NRK: variants seen among roughly 807,000 people sequenced by gnomAD.
NRK encodes nik-related protein kinase.
A neutral mutation model predicts 125.2 loss-of-function variants in NRK; 67 were observed. The ratio of observed to expected loss-of-function variants is 0.54; its 90% CI spans 0.44 to 0.66. NRK has a LOEUF of 0.66. Ranked by LOEUF, NRK falls within the 30% of genes least tolerant of loss-of-function variation. The pLI, the probability that NRK is intolerant of heterozygous loss-of-function variation, is 0.00. For synonymous variants in NRK, 458 were observed against 429.0 expected (o/e 1.07, Z -0.84); for missense variants, 1,224 against 1,192.9 (o/e 1.03, Z -0.38).
chrX:105,856,854 T>C (rs2039537661), intron 2 of NRK, among the ~76,000 whole-genome samples: 1 of 111,720 alleles, frequency 9.0e-6, no homozygotes, highest in Non-Finnish European at 1.9e-5. Context: ...TCAGATTTTC[T>C]GGATTTGTAT....
At chrX:105,953,516 A>T (rs1273825152) in intron 28 of NRK, among the ~76,000 whole-genome samples, 3 of 111,756 alleles carry the variant, frequency 2.7e-5, no homozygotes. Context: ...GATATTTTTA[A>T]ACAAAATGCT....
chrX:105,937,792 C>T, intron 22 of NRK, among the ~76,000 whole-genome samples: 1 of 111,569 alleles, frequency 9.0e-6, no homozygotes, highest in Non-Finnish European at 1.9e-5. Context: ...ACCTAGGTTA[C>T]TGATAAGAAA....
rs939509716 is a variant in NRK at position 105,902,396 on chromosome X, A to C, written c.766+1724A>C. 4.5e-5 allele frequency among the ~76,000 whole-genome samples: 5 copies of C among 111,899 alleles called. No homozygotes were observed. The Admixed American group carries it at 4.8e-4, about 11-fold the overall frequency. The stretch of plus-strand genomic sequence containing the variant: ...GTGTCCTTTGTTGCCTGGAATATTA[A>C]TTTTGTATGGAAATAATTGTCATCA... On this transcript the variant is annotated intron_variant, in intron 9 of 28. Transcript: ENST00000243300.
chrX:105,939,245 T>TATAGTG (rs2040705510), intron 22 of NRK, among the ~76,000 whole-genome samples: 1 of 111,754 alleles, frequency 8.9e-6, no homozygotes, highest in African/African-American at 3.3e-5. Flanking sequence ...GAAAAATGAT[T>TATAGTG]ATAAAGTCAC....
intron 23 of NRK, among the ~76,000 whole-genome samples, chrX:105,941,185 CAT>C (rs1485756901): frequency 9.0e-6 from 1 of 111,263 alleles, no homozygotes; most frequent in African/African-American, 3.3e-5. Context: ...CAAAGTTACT[CAT>C]ATTGCAAATC....
chrX:105,909,296 A>G lies in NRK; in HGVS notation c.1655A>G (p.Gln552Arg), dbSNP rs751319570. The G allele has an allele frequency of 3.3e-6, 4 of 1,204,368 alleles. No individual in the cohort carries two copies. The African/African-American group carries it at 7.0e-5, about 21-fold the overall frequency. ...HNQVPEQELE[Q>R]NQAPEQPEVQ... ...CAGGTGCCTGAACAAGAGCTGGAGC[A>G]GAACCAGGCACCTGAACAGCCAGAG... Residue 552 changes from glutamine (Q) to arginine (R), a missense_variant, in exon 13 of 29, where the codon CAG becomes CGG. Coordinates refer to ENST00000243300, the MANE Select transcript of NRK (RefSeq NM_198465.4).
Position 105,946,407 on chromosome X carries a change from A to G in NRK, c.4296A>G (p.Gly1432=), listed in dbSNP as rs1465771630. 11 of 1,194,223 alleles carry G rather than the reference A, an allele frequency of 9.2e-6. No homozygotes were observed. In the East Asian group the frequency reaches 2.4e-4, roughly 26 times the overall value. ...RLKIFFSSAD[G]YHLIDAESEV... ...AGATTTTCTTCAGCTCAGCAGATGG[A>G]TATCACCTCATCGATGCAGAATCTG... Residue 1432 remains glycine, a synonymous_variant, in exon 26 of 29, where the codon GGA becomes GGG. Coordinates refer to ENST00000243300, the MANE Select transcript of NRK (RefSeq NM_198465.4).
chrX:105,948,032 T>C (rs1408590905), intron 26 of NRK, among the ~76,000 whole-genome samples: 1 of 111,856 alleles, frequency 8.9e-6, no homozygotes, highest in African/African-American at 3.2e-5. Context: ...TAGCTATTGT[T>C]GTACTCTTCA....
chrX:105,884,126 CTT>C (rs1223502454), intron 4 of NRK, among the ~76,000 whole-genome samples: 1 of 112,238 alleles, frequency 8.9e-6, no homozygotes, highest in African/African-American at 3.2e-5. Context: ...GTTGTCATGA[CTT>C]TATTACACAA....
At position 105,909,635 on chromosome X, in the gene NRK, T is replaced by G. The variant is rs2040269885; in HGVS notation, c.1994T>G (p.Leu665Arg). ...NSKPLGPLQT[L>R]MENLSSNRFY... ...AAGCCACTTGGTCCGTTGCAAACCC[T>G]GATGGAAAATCTGTCATCAAATAGG... is the stretch of plus-strand genomic sequence containing the variant. The change falls in exon 13 of 29, where the codon CTG becomes CGG. Residue 665 changes from leucine to arginine, a missense_variant. Physicochemically the swap from Leu to Arg is moderately radical, Grantham distance 102 (BLOSUM62 -2). Coordinates refer to ENST00000243300, the MANE Select transcript of NRK (RefSeq NM_198465.4). 1 of 1,199,502 alleles carries G rather than the reference T, an allele frequency of 8.3e-7. No individual in the cohort carries two copies. The highest frequency in any genetic ancestry group is 1.8e-5 in the African/African-American group (1 of 56,745).
At chrX:105,944,592 C>T (rs1222607869) in intron 24 of NRK, among the ~76,000 whole-genome samples, 2 of 111,323 alleles carry the variant, frequency 1.8e-5, no homozygotes, top group Non-Finnish European at 3.8e-5. Flanking sequence ...CTTTGGGTGC[C>T]ACCCCAATAA....
At chrX:105,907,309 C>G (rs1602659737) in intron 11 of NRK, 1 of 111,287 alleles carries the variant, frequency 9.0e-6, no homozygotes, top group Non-Finnish European at 1.9e-5. Flanking sequence ...CTGGGAAGTC[C>G]TAACTTTATA....
At chrX:105,931,296 A>G (rs889624377) in intron 19 of NRK, among the ~76,000 whole-genome samples, 2 of 112,098 alleles carry the variant, frequency 1.8e-5, no homozygotes, top group Non-Finnish European at 3.8e-5. Flanking sequence ...GGCCCCCAGA[A>G]CATAGTGTAT....
chrX:105,874,432 C>T (rs1212233066), intron 2 of NRK, among the ~76,000 whole-genome samples: 1 of 112,000 alleles, frequency 8.9e-6, no homozygotes, highest in African/African-American at 3.2e-5. Context: ...CTCTTCTTTA[C>T]AATTATTGGG....
intron 2 of NRK, among the ~76,000 whole-genome samples, chrX:105,874,604 A>G (rs931366401): frequency 2.7e-5 from 3 of 112,084 alleles, no homozygotes; most frequent in Non-Finnish European, 5.6e-5. Flanking sequence ...GTTATGTTTA[A>G]CAAGATTTTC....
chrX:105,927,353 G>T (rs2040537896), intron 19 of NRK, among the ~76,000 whole-genome samples: 1 of 111,331 alleles, frequency 9.0e-6, no homozygotes, highest in Non-Finnish European at 1.9e-5. Flanking sequence ...TACTGAATTT[G>T]TTCATCAATT....
At chrX:105,843,977 C>CTGTG (rs751188822) in intron 2 of NRK, among the ~76,000 whole-genome samples, 3,593 of 87,228 alleles carry the variant, frequency 0.041, 167 homozygotes, top group African/African-American at 0.13. Flanking sequence ...GTCCTGCACT[C>CTGTG]TGTGTGTGTG....
chrX:105,905,262 C>T lies in NRK; in HGVS notation c.767-3C>T. 8.4e-7 allele frequency: 1 copy of T among 1,195,543 alleles called. No individual in the cohort carries two copies. Among genetic ancestry groups the T allele is most frequent in the Admixed American group, 2.2e-5 (1 of 45,817 alleles). On this transcript the variant is annotated splice_region_variant and splice_polypyrimidine_tract_variant and intron_variant, in intron 9 of 28. Coordinates refer to ENST00000243300, the MANE Select transcript of NRK (RefSeq NM_198465.4). ...TTCTAAATTTATCTATTTCCCTTTG[C>T]AGCTCTGTGTAACCTTCAACCCTTG...
At chrX:105,903,961 A>C (rs1220919551) in intron 9 of NRK, among the ~76,000 whole-genome samples, 1 of 112,236 alleles carries the variant, frequency 8.9e-6, no homozygotes, top group Non-Finnish European at 1.9e-5. Context: ...AGTTATAAAA[A>C]TGCATCTTCT....
Sources: allele counts gnomAD v4.1 joint callset (sites outside exome capture counted in the v4.1 genomes callset), GRCh38; gene constraint gnomAD v4.1.1; transcripts MANE v1.5; gene names NCBI Gene and HGNC (gene_info 2026-07-23, HGNC 2026-07-21).